Variants in BANK1 observed in about 807,000 individuals in gnomAD.
The protein encoded by BANK1 is B cell scaffold protein with ankyrin repeats 1, also known as B-cell scaffold protein with ankyrin repeats.
A neutral mutation model predicts 94.5 loss-of-function variants in BANK1; 95 were observed. The ratio of observed to expected loss-of-function variants is 1.00; its 90% CI spans 0.85 to 1.19. The LOEUF (loss-of-function observed/expected upper bound fraction) is 1.19. Ranked by LOEUF, BANK1 falls within the 50% of genes most tolerant of loss-of-function variation. BANK1 has a pLI of 0.00. For synonymous variants in BANK1, 334 were observed against 308.4 expected, an observed-to-expected ratio of 1.08 and a Z score of -0.87; for missense variants, 987 against 932.2, an observed-to-expected ratio of 1.06 and a Z score of -0.77.
chr4:101,960,175 C>A (rs1724519886), intron 7 of BANK1, among the ~76,000 whole-genome samples: 2 of 152,072 alleles, frequency 1.3e-5, no homozygotes, highest in African/African-American at 4.8e-5. Context: ...TTACCATAGT[C>A]TAAAAATGCA....
chr4:101,877,392 C>G (rs963372637), intron 5 of BANK1, among the ~76,000 whole-genome samples: 1 of 152,096 alleles, frequency 6.6e-6, no homozygotes, highest in Middle Eastern at 3.2e-3. Flanking sequence ...AACTGTAACA[C>G]TGTAAGTGTG....
intron 2 of BANK1, among the ~76,000 whole-genome samples, chr4:101,833,140 CG>C (rs887992774): frequency 6.6e-6 from 1 of 151,896 alleles, no homozygotes; most frequent in African/African-American, 2.4e-5. Context: ...CCACCATACC[CG>C]GCTAATTTTG....
chr4:101,808,372 G>A (rs1373492336), intron 1 of BANK1, among the ~76,000 whole-genome samples: 1 of 152,086 alleles, frequency 6.6e-6, no homozygotes. Flanking sequence ...CCAAGGGATA[G>A]AACAGAGAAG....
At chr4:101,824,125 G>A (rs1442118213) in intron 1 of BANK1, among the ~76,000 whole-genome samples, 1 of 152,220 alleles carries the variant, frequency 6.6e-6, no homozygotes, top group Non-Finnish European at 1.5e-5. Flanking sequence ...GGTTGGATAA[G>A]CTGAGTTATT....
chr4:101,814,141 C>T (rs1231143598), intron 1 of BANK1, among the ~76,000 whole-genome samples: 1 of 152,114 alleles, frequency 6.6e-6, no homozygotes. Context: ...TACACAAATA[C>T]TTGCCAATGT....
intron 1 of BANK1, among the ~76,000 whole-genome samples, chr4:101,795,310 C>T (rs768306953): frequency 1.3e-4 from 20 of 152,048 alleles, no homozygotes; most frequent in Non-Finnish European, 2.5e-4. Flanking sequence ...CTCTGGACAA[C>T]AAGTCATATT....
At chr4:101,990,279 T>C (rs1725656051) in intron 7 of BANK1, among the ~76,000 whole-genome samples, 1 of 152,194 alleles carries the variant, frequency 6.6e-6, no homozygotes, top group East Asian at 1.9e-4. Context: ...TGGCTCTAAC[T>C]GTGAATTAGC....
chr4:101,837,013 T>A (rs1726854502), intron 2 of BANK1, among the ~76,000 whole-genome samples: 1 of 152,150 alleles, frequency 6.6e-6, no homozygotes, highest in Non-Finnish European at 1.5e-5. Context: ...GTGGCCTTTT[T>A]CCTCCCAATT....
chr4:101,853,726 T>G (rs1198138714), intron 2 of BANK1, among the ~76,000 whole-genome samples: 1 of 152,154 alleles, frequency 6.6e-6, no homozygotes, highest in Non-Finnish European at 1.5e-5. Context: ...TTTTCTGGTC[T>G]GCTTGAGACT....
chr4:101,995,975 CT>C (rs1725865195), intron 7 of BANK1, among the ~76,000 whole-genome samples: 1 of 152,146 alleles, frequency 6.6e-6, no homozygotes, highest in African/African-American at 2.4e-5. Flanking sequence ...TCACTTTTGG[CT>C]TTTGTTGCCA....
In BANK1 at chr4:102,025,404, G is replaced by A; in HGVS notation, c.1489G>A (p.Glu497Lys). Residue 497 changes from glutamate (E) to lysine (K), a missense_variant, in exon 9 of 17, where the codon GAA becomes AAA. Transcript: ENST00000322953. ...TGTGTTCATTCCTGGTGCTGATCCA[G>A]AAAATAATTCACAAGAGCCACTCAT... ...LYVFIPGADPENNSQEPLMSS... is the reference protein window; with the variant it reads ...LYVFIPGADPKNNSQEPLMSS... The A allele has an allele frequency of 1.2e-6, 2 of 1,613,996 alleles. No homozygotes were observed. Among genetic ancestry groups the A allele is most frequent in the South Asian group, 1.1e-5 (1 of 91,066 alleles).
chr4:101,990,571 A>AT (rs1725665740), intron 7 of BANK1, among the ~76,000 whole-genome samples: 1 of 152,162 alleles, frequency 6.6e-6, no homozygotes, highest in Non-Finnish European at 1.5e-5. Flanking sequence ...GATGGAGTAC[A>AT]TTTTTCCTTA....
At chr4:101,997,574 T>C (rs1725923523) in intron 7 of BANK1, among the ~76,000 whole-genome samples, 1 of 152,180 alleles carries the variant, frequency 6.6e-6, no homozygotes. Context: ...ATTGTTAGGC[T>C]ATTAATTACT....
At chr4:101,996,736 G>A (rs2148934502) in intron 7 of BANK1, among the ~76,000 whole-genome samples, 1 of 152,168 alleles carries the variant, frequency 6.6e-6, no homozygotes, top group East Asian at 1.9e-4. Flanking sequence ...CTGTTTGTCT[G>A]TTCTTAGTGT....
intron 4 of BANK1, among the ~76,000 whole-genome samples, chr4:101,867,372 G>A (rs1367261033): frequency 6.6e-6 from 1 of 151,886 alleles, no homozygotes; most frequent in Non-Finnish European, 1.5e-5. Flanking sequence ...AAATGAAGGA[G>A]TTCATTACCA....
chr4:101,868,328 AT>A (rs1260854081), intron 4 of BANK1, among the ~76,000 whole-genome samples: 1 of 152,070 alleles, frequency 6.6e-6, no homozygotes, highest in African/African-American at 2.4e-5. Flanking sequence ...AGTTGTACTA[AT>A]TTCAGAGAAA....
chr4:102,016,800 A>G (rs941647343), intron 7 of BANK1, among the ~76,000 whole-genome samples: 5 of 152,168 alleles, frequency 3.3e-5, no homozygotes, highest in Non-Finnish European at 5.9e-5. Context: ...TCTGAATCCT[A>G]GAATCTAGAC....
chr4:102,052,014 A>C (rs1033881791), intron 11 of BANK1, among the ~76,000 whole-genome samples: 8 of 152,142 alleles, frequency 5.3e-5, no homozygotes, highest in Admixed American at 3.9e-4. Context: ...AGTTTTCTGC[A>C]GTCCCAGGAA....
At chr4:101,867,437 T>C (rs1728115740) in intron 4 of BANK1, among the ~76,000 whole-genome samples, 1 of 151,802 alleles carries the variant, frequency 6.6e-6, no homozygotes, top group Non-Finnish European at 1.5e-5. Context: ...AGAAGGGAAA[T>C]AATGTAGGTC....
Sources: gnomAD v4.1 joint callset for allele counts (sites outside exome capture counted in the v4.1 genomes callset) on GRCh38, gnomAD v4.1.1 for gene constraint, MANE v1.5 for transcripts, NCBI Gene and HGNC (gene_info 2026-07-23, HGNC 2026-07-21) for gene names.